Variants in NEDD4 observed in about 807,000 individuals in gnomAD.
NEDD4 encodes the protein NEDD4 E3 ubiquitin protein ligase, also known as E3 ubiquitin-protein ligase NEDD4.
NEDD4 carries 99 observed loss-of-function variants against 144.9 expected under a neutral mutation model. That is an observed-to-expected ratio of 0.68 (90% CI 0.58 to 0.81). NEDD4 has a LOEUF of 0.81. Among genes scored for constraint, NEDD4 ranks in the 30% least tolerant of loss-of-function variants. NEDD4 has a pLI of 0.00. For missense variants in NEDD4, 985 were observed against 1,065.9 expected, an observed-to-expected ratio of 0.92 and a Z score of 1.06; for synonymous variants, 318 against 350.6, an observed-to-expected ratio of 0.91 and a Z score of 1.04.
In NEDD4 at chr15:55,828,771, C is replaced by T. The variant is rs1180880478; in HGVS notation, c.*1126G>A. On this transcript the variant is annotated 3_prime_UTR_variant, in exon 29 of 29. Transcript: ENST00000435532. Reference sequence around the variant, plus strand: ...GATTTGTAATTAAAAACATTGTCTTCATAGTAAACAGTATTTTAAAAGGCA... The same window carrying T: ...GATTTGTAATTAAAAACATTGTCTTTATAGTAAACAGTATTTTAAAAGGCA... The T allele has an allele frequency of 6.6e-6, 1 of 152,534 alleles. No individual in the cohort carries two copies. Among genetic ancestry groups the T allele is most frequent in the Non-Finnish European group, 1.5e-5 (1 of 68,016 alleles). The allele number at this position is 152,534 out of a possible 1,614,324, so 9.4% of individuals were successfully genotyped here.
chr15:55,850,059 A>G lies in NEDD4; in HGVS notation c.1347+483T>C, dbSNP rs564441764. 1.2e-4 allele frequency among the ~76,000 whole-genome samples: 18 copies of G among 152,266 alleles called. No homozygotes were observed. The South Asian group carries it at 3.7e-3, about 32-fold the overall frequency. The stretch of plus-strand genomic sequence containing the variant: ...CGTGATCTCCCCCCTCGGCCTCCCA[A>G]AGTGCTGGGATTACAGGCATGAGCC... On this transcript the variant is annotated intron_variant, in intron 14 of 28. Transcript: ENST00000435532.
intron 4 of NEDD4, among the ~76,000 whole-genome samples, chr15:55,940,518 TTCTCTCTC>T (rs60338644): frequency 1.9e-5 from 2 of 106,188 alleles, no homozygotes; most frequent in Non-Finnish European, 4.5e-5. Flanking sequence ...CTCCTCCCCC[TTCTCTCTC>T]TCTCTCTCTC....
chr15:55,952,484 T>C (rs2037259832), intron 2 of NEDD4, among the ~76,000 whole-genome samples: 1 of 152,216 alleles, frequency 6.6e-6, no homozygotes, highest in African/African-American at 2.4e-5. Context: ...TCTCCTGTTT[T>C]CCTCGGGTAT....
intron 1 of NEDD4, among the ~76,000 whole-genome samples, chr15:55,977,648 A>G (rs1411556711): frequency 6.6e-6 from 1 of 152,228 alleles, no homozygotes; most frequent in African/African-American, 2.4e-5. Context: ...CTCAGGTATC[A>G]GAAATAAAGA....
intron 5 of NEDD4, among the ~76,000 whole-genome samples, chr15:55,903,366 A>G (rs2035973353): frequency 6.6e-6 from 1 of 152,134 alleles, no homozygotes; most frequent in Non-Finnish European, 1.5e-5. Context: ...GAAGTATGAC[A>G]TTTGCTAGAT....
intron 5 of NEDD4, among the ~76,000 whole-genome samples, chr15:55,880,720 C>A (rs1361885662): frequency 6.6e-6 from 1 of 152,050 alleles, no homozygotes. Context: ...AGTTATGTAA[C>A]ACCTAGAGAG....
At chr15:55,871,732 A>G (rs1173825423) in intron 7 of NEDD4, among the ~76,000 whole-genome samples, 2 of 152,182 alleles carry the variant, frequency 1.3e-5, no homozygotes, top group African/African-American at 4.8e-5. Flanking sequence ...ACATTTTCAA[A>G]TGCATTTTAT....
In NEDD4 at chr15:55,906,711, A is replaced by G. The variant is rs558171041; in HGVS notation, c.291+17935T>C. On this transcript the variant is annotated intron_variant, in intron 5 of 28. Coordinates refer to ENST00000435532, the MANE Select transcript of NEDD4 (RefSeq NM_006154.4). ...ACGAGTTAATGGGTGCAGCACACCA[A>G]CATGGCACATGTATACATATGTAAC... Among the ~76,000 whole-genome samples the G allele has an allele frequency of 3.1e-4, 47 of 152,320 alleles. 1 individual carries two copies. In the East Asian group the frequency reaches 3.7e-3, roughly 12 times the overall value.
chr15:55,854,251 TA>T (rs1286191355), intron 12 of NEDD4, among the ~76,000 whole-genome samples: 1 of 151,972 alleles, frequency 6.6e-6, no homozygotes, highest in Non-Finnish European at 1.5e-5. Flanking sequence ...GCTTACAACA[TA>T]AAAACCATCA....
intron 17 of NEDD4, among the ~76,000 whole-genome samples, chr15:55,847,775 C>G (rs1216698083): frequency 6.7e-6 from 1 of 149,652 alleles, no homozygotes; most frequent in Admixed American, 6.8e-5. Flanking sequence ...CTCCTGGGTT[C>G]AAGTGATTCT....
intron 5 of NEDD4, among the ~76,000 whole-genome samples, chr15:55,875,206 A>C (rs2034952599): frequency 6.6e-6 from 1 of 152,212 alleles, no homozygotes; most frequent in Admixed American, 6.5e-5. Context: ...TATTATAAAG[A>C]TGTTCAAAGG....
intron 5 of NEDD4, among the ~76,000 whole-genome samples, chr15:55,875,560 C>T (rs888495159): frequency 1.3e-5 from 2 of 152,040 alleles, no homozygotes; most frequent in Admixed American, 6.6e-5. Context: ...TCAGGTGATC[C>T]GCCTGCCTCA....
At chr15:55,976,928 T>C (rs1213706743) in intron 1 of NEDD4, among the ~76,000 whole-genome samples, 1 of 152,134 alleles carries the variant, frequency 6.6e-6, no homozygotes, top group African/African-American at 2.4e-5. Context: ...CCACCGTGCC[T>C]AGCCAACATT....
Position 55,847,022 on chromosome 15 carries a change from A to G in NEDD4, c.1555T>C (p.Ser519Pro), listed in dbSNP as rs753982347. 1.5e-5 allele frequency: 24 copies of G among 1,606,892 alleles called. No homozygotes were observed. The highest frequency in any genetic ancestry group is 2.7e-5 in the African/African-American group (2 of 74,752). ...VAITGPAVPY[S>P]RDYKRKYEFF... The stretch of plus-strand genomic sequence containing the variant: ...TCATACTTTCTTTTGTAATCCCTGG[A>G]GTAGGGCACTGCCTTTAGTTGGAAA... The change falls in exon 18 of 29, where the codon TCC (serine) becomes CCC (proline). Residue 519 changes from serine to proline, a missense_variant. Coordinates refer to ENST00000435532, the MANE Select transcript of NEDD4 (RefSeq NM_006154.4).
At chr15:55,915,808 G>A (rs370701101) in intron 5 of NEDD4, 38 of 1,613,586 alleles carry the variant, frequency 2.4e-5, no homozygotes, top group Admixed American at 1.7e-4. Flanking sequence ...TGAAGCGGCC[G>A]TATGTCTCTT....
At chr15:55,979,348 T>C (rs1240205394) in intron 1 of NEDD4, among the ~76,000 whole-genome samples, 3 of 123,992 alleles carry the variant, frequency 2.4e-5, no homozygotes, top group Non-Finnish European at 5.1e-5. Flanking sequence ...TCTTTTTTTT[T>C]TTTTTTTTTT....
intron 4 of NEDD4, among the ~76,000 whole-genome samples, chr15:55,949,203 CTCA>C (rs1175116785): frequency 2.0e-5 from 3 of 152,152 alleles, no homozygotes; most frequent in Non-Finnish European, 2.9e-5. Flanking sequence ...TGTAAAAATG[CTCA>C]TCATCACTGG....
intron 1 of NEDD4, among the ~76,000 whole-genome samples, chr15:55,970,667 C>T (rs2037592233): frequency 6.6e-6 from 1 of 152,218 alleles, no homozygotes; most frequent in South Asian, 2.1e-4. Context: ...CCAGATCTTA[C>T]CCAAGACCAG....
At chr15:55,942,809 A>T (rs1347320545) in intron 4 of NEDD4, among the ~76,000 whole-genome samples, 1 of 152,230 alleles carries the variant, frequency 6.6e-6, no homozygotes, top group Non-Finnish European at 1.5e-5. Context: ...CAGAGGTTGA[A>T]ACAGTTTGGA....
Sources: gnomAD v4.1 joint callset for allele counts (sites outside exome capture counted in the v4.1 genomes callset) on GRCh38, gnomAD v4.1.1 for gene constraint, MANE v1.5 for transcripts, NCBI Gene and HGNC (gene_info 2026-07-23, HGNC 2026-07-21) for gene names.